Variants in SLMAP observed in about 807,000 individuals in gnomAD.
SLMAP encodes sarcolemma associated protein, also known as sarcolemmal membrane-associated protein.
A neutral mutation model predicts 128.8 loss-of-function variants in SLMAP; 44 were observed. The ratio of observed to expected loss-of-function variants is 0.34; its 90% confidence interval spans 0.27 to 0.44. SLMAP has a LOEUF of 0.44. Among genes scored for constraint, SLMAP ranks in the 20% least tolerant of loss-of-function variants. The pLI is 1.00. For missense variants in SLMAP, 787 were observed against 985.3 expected (o/e 0.80, Z 2.69); for synonymous variants, 327 against 348.8 (o/e 0.94, Z 0.70).
chr3:57,819,542 GA>G (rs1345802867), intron 2 of SLMAP, among the ~76,000 whole-genome samples: 1 of 152,014 alleles, frequency 6.6e-6, no homozygotes, highest in Non-Finnish European at 1.5e-5. Context: ...ATCTTTAATG[GA>G]AATTTTTTTC....
chr3:57,828,794 T>C (rs2093118262), intron 2 of SLMAP, among the ~76,000 whole-genome samples: 1 of 152,116 alleles, frequency 6.6e-6, no homozygotes, highest in African/African-American at 2.4e-5. Flanking sequence ...AAAAAATTTT[T>C]TTTGAGACAG....
chr3:57,769,135 A>G (rs891323129), intron 2 of SLMAP, among the ~76,000 whole-genome samples: 1 of 152,204 alleles, frequency 6.6e-6, no homozygotes, highest in Non-Finnish European at 1.5e-5. Context: ...TCTGAATTGT[A>G]TACTTAAATT....
intron 10 of SLMAP, 103 bp from the exon 11 acceptor site, chr3:57,864,445 A>G (rs2095235246): frequency 2.9e-6 from 2 of 700,944 alleles, no homozygotes; most frequent in South Asian, 4.4e-5. Context: ...TTTTCTACAG[A>G]ACAAACTTTT....
At chr3:57,921,354 C>T (rs1316487084) in intron 22 of SLMAP, among the ~76,000 whole-genome samples, 5 of 152,028 alleles carry the variant, frequency 3.3e-5, no homozygotes, top group South Asian at 2.1e-4. Context: ...AGGCGGGGCA[C>T]GGTGGCTCAT....
At chr3:57,824,260 A>G (rs1298914576) in intron 2 of SLMAP, among the ~76,000 whole-genome samples, 1 of 152,186 alleles carries the variant, frequency 6.6e-6, no homozygotes, top group Non-Finnish European at 1.5e-5. Flanking sequence ...AGAAATGAAC[A>G]TACCCTAAGG....
chr3:57,779,525 A>T (rs990815146), intron 2 of SLMAP, among the ~76,000 whole-genome samples: 7 of 149,220 alleles, frequency 4.7e-5, no homozygotes, highest in African/African-American at 7.3e-5. Flanking sequence ...AAAAAAAAAA[A>T]CAAAAATAAA....
chr3:57,839,802 G>A (rs772251812), intron 3 of SLMAP, among the ~76,000 whole-genome samples: 1 of 151,844 alleles, frequency 6.6e-6, no homozygotes, highest in South Asian at 2.1e-4. Flanking sequence ...CAGGTGATCT[G>A]CCTCGGCCTC....
Position 57,757,479 on chromosome 3 carries a change from G to T in SLMAP, c.-173G>T. On this transcript the variant is annotated 5_prime_UTR_variant, in exon 2 of 25. Coordinates refer to ENST00000671191, the MANE Select transcript of SLMAP (RefSeq NM_001377540.1). ...GAGGTGATGGGGCTTGCGCTGGCTTGTCTTCCCACCCAAGTGAAGAGTTGA... is the reference window on the plus strand; with the variant it reads ...GAGGTGATGGGGCTTGCGCTGGCTTTTCTTCCCACCCAAGTGAAGAGTTGA... 3.1e-6 allele frequency: 2 copies of T among 641,202 alleles called. No individual in the cohort carries two copies. The highest frequency in any genetic ancestry group is 4.3e-4 in the Middle Eastern group (1 of 2,336). 39.7% of individuals were successfully genotyped at this position (641,202 alleles called of 1,614,324 possible).
At chr3:57,785,114 A>G (rs535935094) in intron 2 of SLMAP, among the ~76,000 whole-genome samples, 68 of 152,354 alleles carry the variant, frequency 4.5e-4, no homozygotes, top group African/African-American at 1.6e-3. Context: ...GCTATAGAAT[A>G]AAATGTTTGC....
intron 2 of SLMAP, among the ~76,000 whole-genome samples, chr3:57,773,224 A>G (rs1402706577): frequency 6.6e-6 from 1 of 152,176 alleles, no homozygotes; most frequent in Non-Finnish European, 1.5e-5. Flanking sequence ...TTACCACCAG[A>G]TGGTTTAGAT....
chr3:57,777,533 T>C (rs1205321909), intron 2 of SLMAP, among the ~76,000 whole-genome samples: 1 of 152,052 alleles, frequency 6.6e-6, no homozygotes, highest in African/African-American at 2.4e-5. Flanking sequence ...TGTAATGTGC[T>C]TTGATGGTGC....
At chr3:57,907,696 T>C (rs1275899266) in intron 17 of SLMAP, among the ~76,000 whole-genome samples, 188 bp from the exon 18 acceptor site, 1 of 152,242 alleles carries the variant, frequency 6.6e-6, no homozygotes, top group Non-Finnish European at 1.5e-5. Context: ...ATTACTAATA[T>C]ATATAACTGT....
intron 5 of SLMAP, among the ~76,000 whole-genome samples, chr3:57,849,250 AC>A (rs2094419317): frequency 6.6e-6 from 1 of 151,830 alleles, no homozygotes; most frequent in African/African-American, 2.4e-5. Flanking sequence ...CCTTGAAAAA[AC>A]CCTTATAGAA....
chr3:57,856,152 G>A (rs767235826), intron 6 of SLMAP, among the ~76,000 whole-genome samples: 8 of 152,058 alleles, frequency 5.3e-5, no homozygotes, highest in Non-Finnish European at 1.2e-4. Context: ...TGAGATTACA[G>A]TGAGCCATCA....
intron 2 of SLMAP, among the ~76,000 whole-genome samples, chr3:57,760,060 C>T (rs2078310096): frequency 6.6e-6 from 1 of 152,124 alleles, no homozygotes; most frequent in South Asian, 2.1e-4. Flanking sequence ...GTGTCTTAGC[C>T]TCCTGAGTAG....
chr3:57,824,826 C>T (rs1021398442), intron 2 of SLMAP, among the ~76,000 whole-genome samples: 2 of 152,136 alleles, frequency 1.3e-5, no homozygotes, highest in Non-Finnish European at 2.9e-5. Flanking sequence ...TGTGCCGGAT[C>T]TGTGGATTTT....
At chr3:57,865,331 A>G (rs544290351) in intron 13 of SLMAP, 39 bp downstream of exon 13, 73 of 866,394 alleles carry the variant, frequency 8.4e-5, no homozygotes, top group South Asian at 8.1e-4. Flanking sequence ...ACTTTTTATG[A>G]TATCATTTTA....
chr3:57,890,534 C>T (rs1215862663), intron 15 of SLMAP: 1 of 153,240 alleles, frequency 6.5e-6, no homozygotes, highest in Non-Finnish European at 1.5e-5. Context: ...TTAATATTTC[C>T]TTAATTTTTG....
intron 2 of SLMAP, among the ~76,000 whole-genome samples, chr3:57,786,156 T>C (rs770543562): frequency 6.6e-6 from 1 of 152,248 alleles, no homozygotes; most frequent in Non-Finnish European, 1.5e-5. Flanking sequence ...TTGATAATAC[T>C]GTGGTAATAA....
Sources: gnomAD v4.1 joint callset for allele counts (sites outside exome capture counted in the v4.1 genomes callset) on GRCh38, gnomAD v4.1.1 for gene constraint, MANE v1.5 for transcripts, NCBI Gene and HGNC (gene_info 2026-07-23, HGNC 2026-07-21) for gene names.